TMOD3: variants seen among roughly 807,000 people sequenced by gnomAD.
TMOD3 encodes tropomodulin 3, also known as tropomodulin-3.
A neutral mutation model predicts 39.2 loss-of-function variants in TMOD3; 20 were observed. The observed-to-expected ratio is 0.51, with a 90% CI of 0.36 to 0.74. The LOEUF (loss-of-function observed/expected upper bound fraction) is 0.74, where lower values mean the gene tolerates loss of function less well. TMOD3 is among the 30% of genes least tolerant of loss of function. The probability of loss-of-function intolerance (pLI) is 0.00; values close to 1 mark genes in which losing one functional copy is unlikely to be tolerated. For missense variants in TMOD3, 381 were observed against 412.8 expected (o/e 0.92, Z 0.67); for synonymous variants, 143 against 145.8 (o/e 0.98, Z 0.14).
At chr15:51,866,873 T>G (rs2056449593) in intron 2 of TMOD3, among the ~76,000 whole-genome samples, 1 of 152,184 alleles carries the variant, frequency 6.6e-6, no homozygotes, top group East Asian at 1.9e-4. Flanking sequence ...CAGTTTGACA[T>G]TAACCAAATA....
Position 51,893,751 on chromosome 15 carries a change from C to G in TMOD3, c.497-64C>G, listed in dbSNP as rs973913445. 4.3e-6 allele frequency: 6 copies of G among 1,382,110 alleles called. No homozygotes were observed. In the Middle Eastern group the frequency reaches 7.8e-4, roughly 180 times the overall value. The allele number at this position is 1,382,110 out of a possible 1,614,324, so 85.6% of individuals were successfully genotyped here. ...CTGCACTCCGGCCTGGGCGAAAGTG[C>G]GAGACTCCGTCTCAAAAAAAAAAAA... On this transcript the variant is annotated intron_variant, in intron 5 of 9. Coordinates refer to ENST00000308580, the MANE Select transcript of TMOD3 (RefSeq NM_014547.5).
intron 1 of TMOD3, chr15:51,860,058 TGTC>T (rs990487034): frequency 3.4e-5 from 18 of 527,144 alleles, no homozygotes; most frequent in African/African-American, 3.3e-4. Flanking sequence ...GCACAGCATC[TGTC>T]CTCCTTCTGG....
chr15:51,832,559 T>C (rs1046426814), intron 1 of TMOD3, among the ~76,000 whole-genome samples: 7 of 151,972 alleles, frequency 4.6e-5, no homozygotes, highest in African/African-American at 1.7e-4. Context: ...GAACCGGATG[T>C]GGTGGCACGC....
At chr15:51,849,776 C>A (rs2056352006) in intron 1 of TMOD3, among the ~76,000 whole-genome samples, 1 of 151,464 alleles carries the variant, frequency 6.6e-6, no homozygotes, top group African/African-American at 2.4e-5. Flanking sequence ...TCCAAAAATA[C>A]AAAAAAAATT....
intron 7 of TMOD3, 58 bp downstream of exon 7, chr15:51,896,584 G>A: frequency 7.6e-7 from 1 of 1,315,134 alleles, no homozygotes; most frequent in South Asian, 1.2e-5. Context: ...TGTTACAGTG[G>A]TGATTTTTAT....
intron 1 of TMOD3, chr15:51,860,099 G>A (rs1448579934): frequency 2.0e-6 from 1 of 499,542 alleles, no homozygotes; most frequent in Non-Finnish European, 4.0e-6. Context: ...TTATTTCGTT[G>A]TAGGCTGTAC....
At chr15:51,853,939 A>C (rs990704426) in intron 1 of TMOD3, among the ~76,000 whole-genome samples, 2 of 152,160 alleles carry the variant, frequency 1.3e-5, no homozygotes, top group Non-Finnish European at 2.9e-5. Context: ...TCAGTTGAGG[A>C]TAGAGGTAGA....
At chr15:51,833,567 A>G (rs1348760322) in intron 1 of TMOD3, 2 of 152,234 alleles carry the variant, frequency 1.3e-5, no homozygotes, top group Non-Finnish European at 2.9e-5. Context: ...GATTTCTGAC[A>G]CTACAGAGAT....
chr15:51,879,886 A>ACACG lies in TMOD3; in HGVS notation c.284-7702_284-7699dup, dbSNP rs1555387147. ...CACACACACACACACACACACACAC[A>ACACG]CACGAAGAAGAAATTCTAGGAGCAA... On this transcript the variant is annotated intron_variant, in intron 3 of 9. Transcript: ENST00000308580. Among the ~76,000 whole-genome samples, 1,110 of 151,708 alleles carry ACACG rather than the reference A, an allele frequency of 7.3e-3. 8 individuals are homozygous for ACACG. The highest frequency in any genetic ancestry group is 0.026 in the African/African-American group (1,079 of 41,298).
Position 51,846,216 on chromosome 15 carries a change from A to G in TMOD3, c.-75+16380A>G, listed in dbSNP as rs1045087180. Among the ~76,000 whole-genome samples the G allele has an allele frequency of 4.0e-5, 6 of 151,820 alleles. No individual in the cohort carries two copies. The South Asian group carries it at 6.2e-4, about 16-fold the overall frequency. ...CATAGTGGCACGCACCTATTGTCCCAGCTACTTGAGAGGCTGAAGTGGGAG... is the reference window on the plus strand; with the variant it reads ...CATAGTGGCACGCACCTATTGTCCCGGCTACTTGAGAGGCTGAAGTGGGAG... On this transcript the variant is annotated intron_variant, in intron 1 of 9. Coordinates refer to ENST00000308580, the MANE Select transcript of TMOD3 (RefSeq NM_014547.5).
intron 3 of TMOD3, among the ~76,000 whole-genome samples, chr15:51,877,592 A>C (rs1261246274): frequency 1.3e-5 from 2 of 151,992 alleles, no homozygotes; most frequent in East Asian, 3.9e-4. Flanking sequence ...AGACAGGAGA[A>C]TCTCTTGAAA....
At chr15:51,887,954 C>T (rs1002665947) in intron 4 of TMOD3, among the ~76,000 whole-genome samples, 2 of 152,246 alleles carry the variant, frequency 1.3e-5, no homozygotes, top group African/African-American at 2.4e-5. Context: ...ACATCTTTTC[C>T]CATGTTGTCA....
At position 51,911,401 on chromosome 15, in the gene TMOD3, A is replaced by G. The variant is rs1264593952; in HGVS notation, c.*2591A>G. ...TCTTCATAAGTGACATTAAATATGAACATTCATCCAATTGAATTTACAAAA... is the reference window on the plus strand; with the variant it reads ...TCTTCATAAGTGACATTAAATATGAGCATTCATCCAATTGAATTTACAAAA... On this transcript the variant is annotated 3_prime_UTR_variant, in exon 10 of 10. Transcript: ENST00000308580. 5.9e-5 allele frequency: 9 copies of G among 152,248 alleles called. No homozygotes were observed. Among genetic ancestry groups the G allele is most frequent in the Non-Finnish European group, 1.2e-4 (8 of 68,046 alleles). The allele number at this position is 152,248 out of a possible 1,614,324, so 9.4% of individuals were successfully genotyped here.
At chr15:51,851,978 C>G (rs1159808038) in intron 1 of TMOD3, among the ~76,000 whole-genome samples, 1 of 152,122 alleles carries the variant, frequency 6.6e-6, no homozygotes. Context: ...TTTCAGTTAG[C>G]CTTCCTGATC....
At chr15:51,839,437 C>T (rs2056302923) in intron 1 of TMOD3, among the ~76,000 whole-genome samples, 1 of 152,090 alleles carries the variant, frequency 6.6e-6, no homozygotes, top group South Asian at 2.1e-4. Flanking sequence ...TCCCAAATTG[C>T]TGGGATTACA....
At chr15:51,900,064 C>CGGTT in intron 7 of TMOD3, 91 bp from the exon 8 acceptor site, 1 of 831,824 alleles carries the variant, frequency 1.2e-6, no homozygotes, top group African/African-American at 2.1e-5. Context: ...AACATTAAGG[C>CGGTT]AGTTAATTAA....
At chr15:51,903,686 A>G (rs1052006253) in intron 9 of TMOD3, among the ~76,000 whole-genome samples, 4 of 152,162 alleles carry the variant, frequency 2.6e-5, no homozygotes, top group African/African-American at 9.7e-5. Context: ...TTCACTAGTT[A>G]GCTTCTATTT....
Position 51,909,954 on chromosome 15 carries a change from A to G in TMOD3, c.*1144A>G, listed in dbSNP as rs1377844210. ...TTATACTTTTATCAATATTTATAAA[A>G]GTCATTTCTATAATAAAAGCAGTCT... On this transcript the variant is annotated 3_prime_UTR_variant, in exon 10 of 10. Coordinates refer to ENST00000308580, the MANE Select transcript of TMOD3 (RefSeq NM_014547.5). 6 of 152,250 alleles carry G rather than the reference A, an allele frequency of 3.9e-5. No individual in the cohort carries two copies. The highest frequency in any genetic ancestry group is 7.3e-5 in the Non-Finnish European group (5 of 68,048). The allele number at this position is 152,250 out of a possible 1,614,324, so 9.4% of individuals were successfully genotyped here.
Position 51,836,127 on chromosome 15 carries a change from T to C in TMOD3, c.-75+6291T>C, listed in dbSNP as rs73409080. 1.4e-3 allele frequency among the ~76,000 whole-genome samples: 216 copies of C among 152,322 alleles called. 1 individual carries two copies. Among genetic ancestry groups the C allele is most frequent in the African/African-American group, 5.0e-3 (206 of 41,580 alleles). On this transcript the variant is annotated intron_variant, in intron 1 of 9. Transcript: ENST00000308580. The stretch of plus-strand genomic sequence containing the variant: ...ATTCCTTCCCCCTTTCTCTAACATA[T>C]AACAGCTTTAGTGAGATATAATTCG...
Sources: allele counts gnomAD v4.1 joint callset (sites outside exome capture counted in the v4.1 genomes callset), GRCh38; gene constraint gnomAD v4.1.1; transcripts MANE v1.5; gene names NCBI Gene and HGNC (gene_info 2026-07-23, HGNC 2026-07-21).